The following RAB38 variants were observed in gnomAD, a reference collection of about 807,000 sequenced individuals.
The protein encoded by RAB38 is RAB38, member RAS oncogene family, also known as ras-related protein Rab-38.
In RAB38, 15 loss-of-function variants were observed where a neutral mutation model predicts 18.4. That is an observed-to-expected ratio of 0.82 (90% confidence interval 0.55 to 1.26). The LOEUF (loss-of-function observed/expected upper bound fraction) is 1.26, where lower values mean the gene tolerates loss of function less well. RAB38 is among the 50% of genes most tolerant of loss of function. The pLI, the probability that RAB38 is intolerant of heterozygous loss-of-function variation, is 0.00. For synonymous variants in RAB38, 101 were observed against 104.4 expected, an observed-to-expected ratio of 0.97 and a Z score of 0.20; for missense variants, 294 against 267.4, an observed-to-expected ratio of 1.10 and a Z score of -0.69.
chr11:88,019,385 C>T, the RAB38 span, among the ~76,000 whole-genome samples: 1 of 152,070 alleles, frequency 6.6e-6, no homozygotes, highest in South Asian at 2.1e-4. Flanking sequence ...ACCCAGAGTC[C>T]AATTCATTCT....
the RAB38 span, among the ~76,000 whole-genome samples, chr11:87,885,272 C>T: frequency 1.3e-5 from 2 of 149,932 alleles, no homozygotes; most frequent in Admixed American, 1.3e-4. Flanking sequence ...TTCAGTTGTA[C>T]TGGGTGTGTC....
the RAB38 span, among the ~76,000 whole-genome samples, chr11:87,896,942 T>G: frequency 1.3e-5 from 2 of 151,672 alleles, no homozygotes; most frequent in Admixed American, 6.6e-5. Context: ...CTGGAGTGTT[T>G]CATTAATAGT....
chr11:87,976,281 T>TAC, the RAB38 span, among the ~76,000 whole-genome samples: 3 of 144,808 alleles, frequency 2.1e-5, no homozygotes, highest in African/African-American at 5.0e-5. Flanking sequence ...TGTGTGTATA[T>TAC]ATATATATAC....
chr11:88,093,023 T>C, the RAB38 span, among the ~76,000 whole-genome samples: 1 of 151,930 alleles, frequency 6.6e-6, no homozygotes, highest in African/African-American at 2.4e-5. Context: ...ATTGTCACGA[T>C]GGTTGACCAC....
chr11:88,017,689 G>T, the RAB38 span, among the ~76,000 whole-genome samples: 10 of 143,810 alleles, frequency 7.0e-5, no homozygotes, highest in Non-Finnish European at 1.4e-4. Flanking sequence ...CAGATCTTTT[G>T]TTAAATTGTA....
chr11:87,838,239 C>T, the RAB38 span, among the ~76,000 whole-genome samples: 3 of 151,950 alleles, frequency 2.0e-5, no homozygotes, highest in Non-Finnish European at 2.9e-5. Context: ...CTCAACCTCC[C>T]GAGTAGCTGG....
the RAB38 span, among the ~76,000 whole-genome samples, chr11:88,035,435 T>C: frequency 3.2e-4 from 48 of 152,068 alleles, no homozygotes; most frequent in Non-Finnish European, 5.1e-4. Context: ...ACTAATAGGA[T>C]AGATGTATAC....
chr11:88,035,836 C>T, the RAB38 span, among the ~76,000 whole-genome samples: 5 of 152,106 alleles, frequency 3.3e-5, no homozygotes, highest in Non-Finnish European at 2.9e-5. Context: ...AATAGTGGTG[C>T]TGATCTACAA....
the RAB38 span, among the ~76,000 whole-genome samples, chr11:87,941,825 C>G: frequency 1.3e-5 from 2 of 152,136 alleles, no homozygotes; most frequent in African/African-American, 4.8e-5. Context: ...TTCTCTTCTT[C>G]CCTTCTGTTT....
the RAB38 span, among the ~76,000 whole-genome samples, chr11:88,078,837 A>G: frequency 6.6e-6 from 1 of 151,992 alleles, no homozygotes; most frequent in Non-Finnish European, 1.5e-5. Flanking sequence ...ATAATTTACA[A>G]GGATCTATTG....
At chr11:87,903,292 A>T in the RAB38 span, among the ~76,000 whole-genome samples, 485 of 151,372 alleles carry the variant, frequency 3.2e-3, 4 homozygotes, top group East Asian at 0.033. Context: ...ATAAATACAA[A>T]TTTTTTTCTT....
intron 2 of RAB38, among the ~76,000 whole-genome samples, chr11:88,124,181 T>C (rs898769683): frequency 6.6e-6 from 1 of 152,010 alleles, no homozygotes; most frequent in Non-Finnish European, 1.5e-5. Flanking sequence ...TTGTCAATGA[T>C]ACTAGGCAAT....
the RAB38 span, among the ~76,000 whole-genome samples, chr11:88,027,956 C>T: frequency 1.3e-5 from 2 of 152,192 alleles, no homozygotes; most frequent in African/African-American, 4.8e-5. Context: ...GACCCCTGAG[C>T]AGCCTAACTG....
chr11:87,910,729 C>T, the RAB38 span, among the ~76,000 whole-genome samples: 4 of 147,344 alleles, frequency 2.7e-5, no homozygotes, highest in African/African-American at 1.0e-4. Flanking sequence ...CAATCTTCGA[C>T]TCCCTGGTTC....
chr11:88,088,527 G>A, the RAB38 span, among the ~76,000 whole-genome samples: 3 of 151,774 alleles, frequency 2.0e-5, no homozygotes, highest in Non-Finnish European at 2.9e-5. Context: ...ACTGAAGAGG[G>A]GAGCTATATT....
In RAB38 at chr11:88,154,823, C is replaced by T. The variant is rs542371394; in HGVS notation, c.203-4868G>A. Among the ~76,000 whole-genome samples, 12 of 152,350 alleles carry T rather than the reference C, an allele frequency of 7.9e-5. No individual in the cohort carries two copies. The South Asian group carries it at 2.3e-3, about 29-fold the overall frequency. ...AGCACCTGCTCATCTGGCCACCACA[C>T]CTGTCCTGAACATAGACCATGAGGC... On this transcript the variant is annotated intron_variant, in intron 1 of 2. Coordinates refer to ENST00000243662, the MANE Select transcript of RAB38 (RefSeq NM_022337.3).
chr11:88,082,672 C>T, the RAB38 span, among the ~76,000 whole-genome samples: 2 of 151,848 alleles, frequency 1.3e-5, no homozygotes, highest in African/African-American at 4.8e-5. Flanking sequence ...ATCCTGCAAG[C>T]TCCATCTTTA....
At chr11:87,901,908 T>G in the RAB38 span, among the ~76,000 whole-genome samples, 2 of 139,452 alleles carry the variant, frequency 1.4e-5, no homozygotes, top group Non-Finnish European at 3.1e-5. Flanking sequence ...TTGAATTTAT[T>G]ACTGTGTTTG....
At chr11:87,962,227 T>C in the RAB38 span, among the ~76,000 whole-genome samples, 1 of 152,064 alleles carries the variant, frequency 6.6e-6, no homozygotes, top group Non-Finnish European at 1.5e-5. Flanking sequence ...AAGCATCTTT[T>C]AAAAAAATCC....
Sources: allele counts gnomAD v4.1 joint callset (sites outside exome capture counted in the v4.1 genomes callset), GRCh38; gene constraint gnomAD v4.1.1; transcripts MANE v1.5; gene names NCBI Gene and HGNC (gene_info 2026-07-23, HGNC 2026-07-21).